The following CTNNA3 variants were observed in gnomAD, a reference collection of about 807,000 sequenced individuals.
CTNNA3 encodes catenin alpha 3, also known as catenin alpha-3.
CTNNA3 carries 76 observed loss-of-function variants against 95.7 expected under a neutral mutation model. The observed-to-expected ratio is 0.79, with a 90% CI of 0.66 to 0.96. CTNNA3 has a LOEUF of 0.96. Among genes scored for constraint, CTNNA3 ranks in the 40% least tolerant of loss-of-function variants. The pLI, the probability that CTNNA3 is intolerant of heterozygous loss-of-function variation, is 0.00. For synonymous variants in CTNNA3, 431 were observed against 374.4 expected (o/e 1.15, Z -1.74); for missense variants, 1,191 against 1,089.8 (o/e 1.09, Z -1.31).
chr10:66,511,045 G>A lies in CTNNA3; in HGVS notation c.1531+9572C>T, dbSNP rs565684212. On this transcript the variant is annotated intron_variant, in intron 11 of 17. Transcript: ENST00000433211. ...ACTTTTCTTTTTTGAGAGACTTTTT[G>A]TTACTGATTTAATCTTCTTATTTGT... Among the ~76,000 whole-genome samples the A allele has an allele frequency of 1.1e-3, 163 of 151,326 alleles. 2 individuals are homozygous for A. The highest frequency in any genetic ancestry group is 5.2e-3 in the South Asian group (25 of 4,814).
intron 2 of CTNNA3, among the ~76,000 whole-genome samples, chr10:67,608,958 C>T (rs1185841870): frequency 2.0e-5 from 3 of 151,788 alleles, no homozygotes; most frequent in African/African-American, 4.8e-5. Context: ...GGCATGGTGG[C>T]GCATGCCTAT....
intron 7 of CTNNA3, among the ~76,000 whole-genome samples, chr10:66,918,864 G>A (rs549583833): frequency 4.4e-4 from 67 of 152,190 alleles, no homozygotes; most frequent in Admixed American, 1.6e-3. Flanking sequence ...GGCTGGGTGC[G>A]GTGGCTCATG....
intron 2 of CTNNA3, among the ~76,000 whole-genome samples, chr10:67,640,229 A>T (rs760931713): frequency 2.6e-5 from 4 of 152,210 alleles, no homozygotes; most frequent in Non-Finnish European, 5.9e-5. Context: ...CAGAGAGCCA[A>T]ATCATGAGTG....
At chr10:66,065,673 T>A (rs1477524524) in intron 15 of CTNNA3, among the ~76,000 whole-genome samples, 1 of 152,098 alleles carries the variant, frequency 6.6e-6, no homozygotes, top group African/African-American at 2.4e-5. Flanking sequence ...TCTTTCTTTA[T>A]CAGATTCTAT....
At chr10:66,758,377 A>T (rs1839458664) in intron 9 of CTNNA3, among the ~76,000 whole-genome samples, 1 of 152,224 alleles carries the variant, frequency 6.6e-6, no homozygotes, top group South Asian at 2.1e-4. Context: ...AGTATATATA[A>T]GCCCTAAAGA....
intron 2 of CTNNA3, among the ~76,000 whole-genome samples, chr10:67,644,310 T>G (rs897114372): frequency 6.6e-6 from 1 of 152,166 alleles, no homozygotes; most frequent in African/African-American, 2.4e-5. Context: ...TTTCATATGT[T>G]TGTTGGCCAC....
intron 12 of CTNNA3, among the ~76,000 whole-genome samples, chr10:66,370,993 G>A (rs1283773410): frequency 6.6e-6 from 1 of 152,106 alleles, no homozygotes; most frequent in Non-Finnish European, 1.5e-5. Context: ...AAAGTGCTGG[G>A]ATTACAGGTA....
intron 5 of CTNNA3, among the ~76,000 whole-genome samples, chr10:67,374,193 C>T (rs1243925109): frequency 6.6e-6 from 1 of 152,086 alleles, no homozygotes; most frequent in Admixed American, 6.5e-5. Flanking sequence ...GTCTCTGTCA[C>T]GATTACTCAA....
At chr10:66,493,434 C>G (rs1333412042) in intron 11 of CTNNA3, among the ~76,000 whole-genome samples, 1 of 152,096 alleles carries the variant, frequency 6.6e-6, no homozygotes, top group Non-Finnish European at 1.5e-5. Flanking sequence ...CTACATCCAT[C>G]TACTCTCCCA....
intron 14 of CTNNA3, chr10:66,098,810 T>C (rs1251447048): frequency 6.6e-6 from 1 of 152,202 alleles, no homozygotes; most frequent in Non-Finnish European, 1.5e-5. Flanking sequence ...TAACCACGTA[T>C]TGGTCCAGTG....
At chr10:66,328,933 T>TATATATATATAC (rs59003281) in intron 12 of CTNNA3, among the ~76,000 whole-genome samples, 17 of 115,390 alleles carry the variant, frequency 1.5e-4, no homozygotes, top group East Asian at 8.7e-4. Flanking sequence ...TATATATATA[T>TATATATATATAC]ACACACACAC....
chr10:66,876,691 A>ACTCT (rs1844635163), intron 7 of CTNNA3, among the ~76,000 whole-genome samples: 2 of 50,230 alleles, frequency 4.0e-5, no homozygotes, highest in Non-Finnish European at 1.0e-4. Context: ...AACAATGTTT[A>ACTCT]ACCTTAGCAG....
chr10:67,749,299 G>A (rs138654381), intron 1 of CTNNA3, among the ~76,000 whole-genome samples: 1 of 152,210 alleles, frequency 6.6e-6, no homozygotes, highest in African/African-American at 2.4e-5. Context: ...ACTCAGCTCT[G>A]GATCAAGTGG....
chr10:66,350,425 T>C (rs1214167433), intron 12 of CTNNA3, among the ~76,000 whole-genome samples: 6 of 152,080 alleles, frequency 3.9e-5, no homozygotes, highest in Non-Finnish European at 8.8e-5. Context: ...CTTAGAAATA[T>C]GTTCTTTTCC....
intron 13 of CTNNA3, among the ~76,000 whole-genome samples, chr10:66,242,762 CT>C (rs1214711506): frequency 6.6e-6 from 1 of 152,042 alleles, no homozygotes; most frequent in African/African-American, 2.4e-5. Flanking sequence ...CAATTCATTA[CT>C]AACAATAAAA....
chr10:66,075,155 CT>C (rs1394984203), intron 14 of CTNNA3, among the ~76,000 whole-genome samples: 1 of 151,818 alleles, frequency 6.6e-6, no homozygotes, highest in East Asian at 1.9e-4. Flanking sequence ...TTCATATCTG[CT>C]TATTAATTGT....
intron 13 of CTNNA3, among the ~76,000 whole-genome samples, chr10:66,146,000 C>T (rs1404134968): frequency 1.3e-5 from 2 of 151,998 alleles, no homozygotes; most frequent in Non-Finnish European, 2.9e-5. Context: ...ACTATAGGCA[C>T]GCGCCACCAA....
intron 7 of CTNNA3, among the ~76,000 whole-genome samples, chr10:66,828,063 G>A (rs1312459933): frequency 6.6e-6 from 1 of 152,174 alleles, no homozygotes; most frequent in Non-Finnish European, 1.5e-5. Context: ...AAAAGCAAAT[G>A]AAAAATTCTA....
intron 7 of CTNNA3, among the ~76,000 whole-genome samples, chr10:67,104,286 G>A (rs1033210809): frequency 6.6e-6 from 1 of 151,714 alleles, no homozygotes; most frequent in African/African-American, 2.4e-5. Flanking sequence ...TTTCCTGTGA[G>A]TGATTTTAAA....
Sources: allele counts gnomAD v4.1 joint callset (sites outside exome capture counted in the v4.1 genomes callset), GRCh38; gene constraint gnomAD v4.1.1; transcripts MANE v1.5; gene names NCBI Gene and HGNC (gene_info 2026-07-23, HGNC 2026-07-21).